The following GALNTL6 variants were observed in gnomAD, a reference collection of about 807,000 sequenced individuals.
GALNTL6 encodes polypeptide N-acetylgalactosaminyltransferase-like 6.
In GALNTL6, 46 loss-of-function variants were observed where a neutral mutation model predicts 73.7. That is an observed-to-expected ratio of 0.62 (90% CI 0.49 to 0.80). GALNTL6 has a LOEUF of 0.80. GALNTL6 is among the 30% of genes least tolerant of loss of function. The pLI is 0.00. For missense variants in GALNTL6, 604 were observed against 755.0 expected, an observed-to-expected ratio of 0.80 and a Z score of 2.34; for synonymous variants, 259 against 263.7, an observed-to-expected ratio of 0.98 and a Z score of 0.17.
Position 172,662,319 on chromosome 4 carries a change from A to G in GALNTL6, c.554-147042A>G, listed in dbSNP as rs1579304579. ...GCGAAATATTTCCAATTCTCTTCCCAGACATCTTGAAGGACTGCCCTTCCC... is the reference window on the plus strand; with the variant it reads ...GCGAAATATTTCCAATTCTCTTCCCGGACATCTTGAAGGACTGCCCTTCCC... On this transcript the variant is annotated intron_variant, in intron 5 of 12. Transcript: ENST00000506823. Among the ~76,000 whole-genome samples, 3 of 152,202 alleles carry G rather than the reference A, an allele frequency of 2.0e-5. No individual in the cohort carries two copies. In the East Asian group the frequency reaches 5.8e-4, roughly 29 times the overall value.
intron 8 of GALNTL6, among the ~76,000 whole-genome samples, chr4:172,898,040 C>T (rs1385489976): frequency 1.5e-5 from 2 of 136,094 alleles, no homozygotes; most frequent in Non-Finnish European, 1.5e-5. Context: ...AGAATTAAGA[C>T]AAATTAATTA....
At chr4:172,067,306 C>G (rs1731395541) in intron 2 of GALNTL6, among the ~76,000 whole-genome samples, 1 of 152,048 alleles carries the variant, frequency 6.6e-6, no homozygotes, top group South Asian at 2.1e-4. Context: ...TGACCCAAAA[C>G]TTTATTCTCA....
At chr4:172,776,567 T>C (rs1192687205) in intron 5 of GALNTL6, among the ~76,000 whole-genome samples, 1 of 152,200 alleles carries the variant, frequency 6.6e-6, no homozygotes, top group East Asian at 1.9e-4. Flanking sequence ...GTTATAAGAA[T>C]TTGACAGATT....
At chr4:171,867,340 TC>T (rs1295904192) in intron 2 of GALNTL6, among the ~76,000 whole-genome samples, 2 of 152,166 alleles carry the variant, frequency 1.3e-5, no homozygotes, top group Admixed American at 6.5e-5. Flanking sequence ...ATTAAAATAG[TC>T]CAGAAATTTC....
intron 3 of GALNTL6, among the ~76,000 whole-genome samples, chr4:172,244,955 C>T (rs1383670511): frequency 6.6e-6 from 1 of 152,066 alleles, no homozygotes; most frequent in Non-Finnish European, 1.5e-5. Flanking sequence ...AAATGCCCCA[C>T]ATTTGTGAGG....
Position 171,948,237 on chromosome 4 carries a change from G to C in GALNTL6, c.138+133519G>C, listed in dbSNP as rs148845734. ...ATTTCCCTTGAAGCTGTCAGAGTCAGAGAAGAAAACCACTTTGGGGTATGA... is the reference window on the plus strand; with the variant it reads ...ATTTCCCTTGAAGCTGTCAGAGTCACAGAAGAAAACCACTTTGGGGTATGA... On this transcript the variant is annotated intron_variant, in intron 2 of 12. Coordinates refer to ENST00000506823, the MANE Select transcript of GALNTL6 (RefSeq NM_001034845.3). 4.6e-5 allele frequency among the ~76,000 whole-genome samples: 7 copies of C among 152,270 alleles called. No individual in the cohort carries two copies. The East Asian group carries it at 1.2e-3, about 25-fold the overall frequency.
At chr4:172,913,206 G>A (rs1408521487) in intron 8 of GALNTL6, among the ~76,000 whole-genome samples, 10 of 152,118 alleles carry the variant, frequency 6.6e-5, no homozygotes. Flanking sequence ...TCAACAAAAA[G>A]GACATCCACA....
intron 5 of GALNTL6, among the ~76,000 whole-genome samples, chr4:172,577,916 AG>A (rs2110965273): frequency 6.6e-6 from 1 of 152,328 alleles, no homozygotes; most frequent in African/African-American, 2.4e-5. Context: ...ACGTGAGCTG[AG>A]CCTATCACAG....
intron 2 of GALNTL6, among the ~76,000 whole-genome samples, chr4:172,099,367 A>T (rs543277174): frequency 1.2e-4 from 19 of 152,298 alleles, no homozygotes; most frequent in Non-Finnish European, 2.5e-4. Context: ...TTATTTCTCA[A>T]CATAAGCTCC....
chr4:172,097,674 T>G (rs985771329), intron 2 of GALNTL6, among the ~76,000 whole-genome samples: 1 of 152,210 alleles, frequency 6.6e-6, no homozygotes, highest in Non-Finnish European at 1.5e-5. Context: ...TCTGAAGTCA[T>G]TGTTTGTTGA....
intron 7 of GALNTL6, among the ~76,000 whole-genome samples, chr4:172,839,811 C>T (rs760928848): frequency 1.7e-4 from 26 of 152,284 alleles, no homozygotes; most frequent in Non-Finnish European, 3.1e-4. Context: ...ATCTTTTCCT[C>T]TTTTGAAAAC....
intron 2 of GALNTL6, among the ~76,000 whole-genome samples, chr4:172,106,238 TG>T (rs1214104778): frequency 1.3e-5 from 2 of 152,178 alleles, no homozygotes; most frequent in African/African-American, 2.4e-5. Context: ...AAATACAGTT[TG>T]GTAATATTTT....
chr4:172,277,739 T>C (rs1195982449), intron 3 of GALNTL6, among the ~76,000 whole-genome samples: 1 of 152,198 alleles, frequency 6.6e-6, no homozygotes, highest in Non-Finnish European at 1.5e-5. Context: ...GGTAATTTCT[T>C]ACTTTCTGAA....
intron 5 of GALNTL6, among the ~76,000 whole-genome samples, chr4:172,778,060 A>T (rs1383566316): frequency 1.3e-5 from 2 of 152,280 alleles, no homozygotes; most frequent in Admixed American, 1.3e-4. Context: ...GAGCTCACAA[A>T]AAGGCATTCC....
chr4:172,915,997 A>G (rs1747486389), intron 8 of GALNTL6, among the ~76,000 whole-genome samples: 1 of 152,226 alleles, frequency 6.6e-6, no homozygotes, highest in Admixed American at 6.5e-5. Context: ...AAAATCCTCA[A>G]TAAAATACTG....
At chr4:173,014,289 A>G (rs79023932) in intron 11 of GALNTL6, among the ~76,000 whole-genome samples, 2,795 of 152,366 alleles carry the variant, frequency 0.018, 96 homozygotes, top group African/African-American at 0.064. Context: ...AAAAACAAAA[A>G]TAGATCCTAA....
intron 2 of GALNTL6, among the ~76,000 whole-genome samples, chr4:171,849,104 C>CCT (rs1735452273): frequency 1.3e-5 from 2 of 152,220 alleles, no homozygotes; most frequent in South Asian, 4.1e-4. Context: ...CAGCTTGGGG[C>CCT]CTGTGGTGGC....
At position 172,196,776 on chromosome 4, in the gene GALNTL6, T is replaced by G. The variant is rs186110614; in HGVS notation, c.139-32880T>G. On this transcript the variant is annotated intron_variant, in intron 2 of 12. Transcript: ENST00000506823. ...TATTAAAAATTCTCAATAAACTAGG[T>G]ATTGAAGGAACATACCTCAAAATAA... Among the ~76,000 whole-genome samples, 258 of 152,222 alleles carry G rather than the reference T, an allele frequency of 1.7e-3. 1 individual carries two copies. The highest frequency in any genetic ancestry group is 3.4e-3 in the Middle Eastern group (1 of 294).
intron 2 of GALNTL6, among the ~76,000 whole-genome samples, chr4:171,889,986 G>T: frequency 6.6e-6 from 1 of 152,112 alleles, no homozygotes; most frequent in East Asian, 1.9e-4. Flanking sequence ...AACTGTTAAT[G>T]CCAGTGGAAA....
Sources: gnomAD v4.1 joint callset for allele counts (sites outside exome capture counted in the v4.1 genomes callset) on GRCh38, gnomAD v4.1.1 for gene constraint, MANE v1.5 for transcripts, NCBI Gene and HGNC (gene_info 2026-07-23, HGNC 2026-07-21) for gene names.